CCPG1: variants seen among roughly 807,000 people sequenced by gnomAD.
The protein encoded by CCPG1 is cell cycle progression 1, also known as cell cycle progression protein 1.
In CCPG1, 46 loss-of-function variants were observed where a neutral mutation model predicts 81.3. The ratio of observed to expected loss-of-function variants is 0.57; its 90% CI spans 0.45 to 0.72. CCPG1 has a LOEUF of 0.72. CCPG1 is among the 30% of genes least tolerant of loss of function. The pLI, the probability that CCPG1 is intolerant of heterozygous loss-of-function variation, is 0.00. For synonymous variants in CCPG1, 330 were observed against 305.2 expected, an observed-to-expected ratio of 1.08 and a Z score of -0.85; for missense variants, 902 against 937.6, an observed-to-expected ratio of 0.96 and a Z score of 0.50.
chr15:55,402,579 T>A (rs777811024), intron 1 of CCPG1, among the ~76,000 whole-genome samples: 36 of 152,194 alleles, frequency 2.4e-4, no homozygotes, highest in South Asian at 2.1e-4. Flanking sequence ...ATATTCTATA[T>A]ATCAACCTAA....
At chr15:55,372,321 C>G (rs903007823) in intron 5 of CCPG1, 13 of 448,272 alleles carry the variant, frequency 2.9e-5, no homozygotes, top group Non-Finnish European at 5.3e-5. Context: ...TCCTCCTCGC[C>G]TTATAGTTTA....
At chr15:55,401,318 A>G (rs1191754292) in intron 1 of CCPG1, among the ~76,000 whole-genome samples, 2 of 152,140 alleles carry the variant, frequency 1.3e-5, no homozygotes, top group East Asian at 1.9e-4. Context: ...TTTAATTGCT[A>G]TGGTACTGAT....
chr15:55,392,143 G>T (rs888524477), intron 1 of CCPG1, among the ~76,000 whole-genome samples: 1 of 148,028 alleles, frequency 6.8e-6, no homozygotes, highest in African/African-American at 2.5e-5. Context: ...GAATATGAAA[G>T]TTCTTTAAAA....
intron 1 of CCPG1, among the ~76,000 whole-genome samples, chr15:55,391,894 G>GT (rs386383058): frequency 8.7e-6 from 1 of 114,396 alleles, no homozygotes; most frequent in Non-Finnish European, 2.0e-5. Flanking sequence ...AAAAGGGGGG[G>GT]GGGGGCTAGG....
At chr15:55,380,285 T>C (rs2056655642) in intron 3 of CCPG1, among the ~76,000 whole-genome samples, 1 of 149,522 alleles carries the variant, frequency 6.7e-6, no homozygotes, top group Non-Finnish European at 1.5e-5. Context: ...TGCATTTCTT[T>C]TTGTTTTTTT....
At position 55,371,873 on chromosome 15, in the gene CCPG1, C is replaced by CGT; in HGVS notation, c.624_625dup (p.Arg209HisfsTer17). 1 of 1,614,020 alleles carries CGT rather than the reference C, an allele frequency of 6.2e-7. No individual in the cohort carries two copies. The highest frequency in any genetic ancestry group is 8.5e-7 in the Non-Finnish European group (1 of 1,179,908). ...CTTATTGAGACCACTACTGAACTGA[C>CGT]GTTTACTCAACTCCTTAGAAGGTTC... On this transcript the variant is annotated frameshift_variant, in exon 6 of 9. Coordinates refer to ENST00000442196, the MANE Select transcript of CCPG1 (RefSeq NM_001204450.2). LOFTEE classifies it high-confidence loss of function.
At chr15:55,391,887 A>AGTG (rs2056921516) in intron 1 of CCPG1, among the ~76,000 whole-genome samples, 1 of 44,740 alleles carries the variant, frequency 2.2e-5, no homozygotes, top group Non-Finnish European at 4.3e-5. Flanking sequence ...AAAAAAAAAA[A>AGTG]GGGGGGGGGG....
chr15:55,356,071 T>G lies in CCPG1; in HGVS notation c.*149A>C, dbSNP rs576684710. Reference sequence around the variant, plus strand: ...GGTTAGTAGACTTTTAACTAATGCTTCTGAGGAATAATATAAAGTTATCAA... The same window carrying G: ...GGTTAGTAGACTTTTAACTAATGCTGCTGAGGAATAATATAAAGTTATCAA... On this transcript the variant is annotated 3_prime_UTR_variant, in exon 9 of 9. Coordinates refer to ENST00000442196, the MANE Select transcript of CCPG1 (RefSeq NM_001204450.2). 1.6e-6 allele frequency: 1 copy of G among 636,330 alleles called. No homozygotes were observed. Among genetic ancestry groups the G allele is most frequent in the Admixed American group, 3.7e-5 (1 of 26,694 alleles). 39.4% of individuals were successfully genotyped at this position (636,330 alleles called of 1,614,324 possible). A position where few individuals can be genotyped will look rare whatever the true frequency, so the allele number is the denominator to read the frequency against.
chr15:55,366,502 T>C (rs1338420306), intron 6 of CCPG1, among the ~76,000 whole-genome samples: 3 of 152,128 alleles, frequency 2.0e-5, no homozygotes, highest in Non-Finnish European at 4.4e-5. Flanking sequence ...ACAGGCACAG[T>C]AGCTCACGCC....
chr15:55,365,449 T>A, intron 6 of CCPG1, 140 bp from the exon 7 acceptor site: 1 of 592,264 alleles, frequency 1.7e-6, no homozygotes, highest in Admixed American at 3.6e-5. Flanking sequence ...TTTTGTTTTT[T>A]GAGAAGAGTC....
intron 6 of CCPG1, among the ~76,000 whole-genome samples, chr15:55,370,717 A>C (rs1360318145): frequency 6.6e-6 from 1 of 152,054 alleles, no homozygotes; most frequent in Non-Finnish European, 1.5e-5. Flanking sequence ...TCTACTAAAA[A>C]TACAAAAAAA....
Position 55,364,327 on chromosome 15 carries a change from G to C in CCPG1, c.828+861C>G, listed in dbSNP as rs138149241. Among the ~76,000 whole-genome samples the C allele has an allele frequency of 9.3e-4, 140 of 150,552 alleles. 15 individuals carry two copies. In the East Asian group the frequency reaches 0.015, roughly 16 times the overall value. The stretch of plus-strand genomic sequence containing the variant: ...TCAGAATAAAAAAAAACAATGGAAA[G>C]GAATAGCTATGTCCCCTGATCAAGA... On this transcript the variant is annotated intron_variant, in intron 7 of 8. Transcript: ENST00000442196.
chr15:55,374,659 C>A (rs191594867), intron 5 of CCPG1, among the ~76,000 whole-genome samples: 10 of 152,278 alleles, frequency 6.6e-5, no homozygotes, highest in African/African-American at 1.4e-4. Flanking sequence ...GAGACGGGGT[C>A]TCCCTCTATT....
intron 1 of CCPG1, among the ~76,000 whole-genome samples, chr15:55,397,388 T>C (rs2057041740): frequency 6.6e-6 from 1 of 152,088 alleles, no homozygotes; most frequent in African/African-American, 2.4e-5. Context: ...AAGATCACTC[T>C]GGCTACCTAC....
At chr15:55,378,185 C>A in intron 4 of CCPG1, 115 bp downstream of exon 4, 1 of 595,258 alleles carries the variant, frequency 1.7e-6, no homozygotes, top group Non-Finnish European at 2.8e-6. Flanking sequence ...ACTTAGAAGT[C>A]AAAATTGCTT....
At chr15:55,388,283 A>G (rs2056844166) in intron 2 of CCPG1, among the ~76,000 whole-genome samples, 1 of 152,220 alleles carries the variant, frequency 6.6e-6, no homozygotes, top group Non-Finnish European at 1.5e-5. Flanking sequence ...CTGTTTATCA[A>G]TATACTGCCA....
intron 3 of CCPG1, among the ~76,000 whole-genome samples, chr15:55,379,704 A>G (rs2056641118): frequency 6.6e-6 from 1 of 152,302 alleles, no homozygotes; most frequent in Admixed American, 6.5e-5. Flanking sequence ...CTCAAAACAC[A>G]GAAAAACTAA....
In CCPG1 at chr15:55,360,503, T is replaced by G; in HGVS notation, c.1270A>C (p.Ile424Leu). 1 of 1,614,150 alleles carries G rather than the reference T, an allele frequency of 6.2e-7. No homozygotes were observed. Among genetic ancestry groups the G allele is most frequent in the Non-Finnish European group, 8.5e-7 (1 of 1,180,016 alleles). Reference protein sequence around the residue: ...SPNVYTEKKEIAILRERLTEL... With the variant: ...SPNVYTEKKELAILRERLTEL... ...GTGAGTCTTTCCCGTAAGATTGCTA[T>G]TTCCTTTTTTTCAGTATATACATTG... Residue 424 changes from isoleucine (I) to leucine (L), a missense_variant, in exon 8 of 9, where the codon ATA becomes CTA. Ile to Leu is a conservative substitution (Grantham distance 5). Transcript: ENST00000442196.
intron 3 of CCPG1, among the ~76,000 whole-genome samples, chr15:55,381,820 G>GATGCAATACAGTAGTCAA (rs59619816): frequency 0.31 from 47,324 of 151,906 alleles, 10,651 homozygotes; most frequent in African/African-American, 0.64. Context: ...ACATAATACA[G>GATGCAATACAGTAGTCAA]ATTCCATTTT....
Sources: gnomAD v4.1 joint callset for allele counts (sites outside exome capture counted in the v4.1 genomes callset) on GRCh38, gnomAD v4.1.1 for gene constraint, MANE v1.5 for transcripts, NCBI Gene and HGNC (gene_info 2026-07-23, HGNC 2026-07-21) for gene names.